Variants in SLC9A4 observed in about 807,000 individuals in gnomAD.
SLC9A4 encodes solute carrier family 9 member A4, also known as sodium/hydrogen exchanger 4.
A neutral mutation model predicts 67.4 loss-of-function variants in SLC9A4; 63 were observed. That is an observed-to-expected ratio of 0.93 (90% CI 0.76 to 1.15). The LOEUF is 1.15. SLC9A4 is among the 50% of genes most tolerant of loss of function. The probability of loss-of-function intolerance (pLI) is 0.00; values close to 1 mark genes in which losing one functional copy is unlikely to be tolerated. For missense variants in SLC9A4, 1,089 were observed against 987.7 expected (o/e 1.10, Z -1.38); for synonymous variants, 393 against 367.2 (o/e 1.07, Z -0.80).
chr2:102,478,922 A>G lies in SLC9A4; in HGVS notation c.340A>G (p.Ile114Val). ...ILVGALVGGI[I>V]FGTDHKSPPV... is the part of the protein sequence containing the mutation. ...GGTGGGGGCGCTGGTGGGCGGCATC[A>G]TCTTCGGCACCGACCACAAATCGCC... The change falls in exon 2 of 12, where the codon ATC (isoleucine) becomes GTC (valine). Residue 114 changes from isoleucine to valine, a missense_variant. Coordinates refer to ENST00000295269, the MANE Select transcript of SLC9A4 (RefSeq NM_001011552.4). 1 of 1,614,088 alleles carries G rather than the reference A, an allele frequency of 6.2e-7. No homozygotes were observed. The highest frequency in any genetic ancestry group is 8.5e-7 in the Non-Finnish European group (1 of 1,179,982).
chr2:102,513,182 A>G (rs1198234259), intron 7 of SLC9A4, among the ~76,000 whole-genome samples: 1 of 152,102 alleles, frequency 6.6e-6, no homozygotes, highest in Non-Finnish European at 1.5e-5. Flanking sequence ...AAACTAGAAG[A>G]CAGAAGATCG....
chr2:102,503,122 T>G (rs928000331), intron 2 of SLC9A4, among the ~76,000 whole-genome samples: 3 of 152,194 alleles, frequency 2.0e-5, no homozygotes, highest in Non-Finnish European at 4.4e-5. Flanking sequence ...TTAAAGGAAT[T>G]CCATTGTCTA....
chr2:102,505,998 T>C (rs1242111232), intron 4 of SLC9A4, among the ~76,000 whole-genome samples: 1 of 152,156 alleles, frequency 6.6e-6, no homozygotes, highest in Non-Finnish European at 1.5e-5. Context: ...TCCCCCTAAA[T>C]AGTATAGGTG....
At chr2:102,495,977 A>T (rs940373025) in intron 2 of SLC9A4, among the ~76,000 whole-genome samples, 2 of 152,178 alleles carry the variant, frequency 1.3e-5, no homozygotes, top group Non-Finnish European at 2.9e-5. Flanking sequence ...TGGAGTAGTC[A>T]AAAGACAGGA....
At chr2:102,496,352 A>C (rs1684810668) in intron 2 of SLC9A4, among the ~76,000 whole-genome samples, 1 of 152,226 alleles carries the variant, frequency 6.6e-6, no homozygotes, top group Non-Finnish European at 1.5e-5. Flanking sequence ...TAGAATTTAA[A>C]AAACTGACAA....
chr2:102,489,124 T>C (rs1442634142), intron 2 of SLC9A4, among the ~76,000 whole-genome samples: 1 of 152,230 alleles, frequency 6.6e-6, no homozygotes, highest in East Asian at 1.9e-4. Context: ...TAAGTGGCTT[T>C]TAAACTACCT....
chr2:102,516,891 T>C (rs1008872338), intron 8 of SLC9A4, among the ~76,000 whole-genome samples: 1 of 152,224 alleles, frequency 6.6e-6, no homozygotes, highest in Non-Finnish European at 1.5e-5. Context: ...TATATATTTA[T>C]AGGCATAACA....
In SLC9A4 at chr2:102,533,480, T is replaced by C. The variant is rs1047750958; in HGVS notation, c.*792T>C. ...TTTTACCCTAGGGTATAAAACTATT[T>C]TTCTTTTATTATTATTATTATTATT... On this transcript the variant is annotated 3_prime_UTR_variant, in exon 12 of 12. Coordinates refer to ENST00000295269, the MANE Select transcript of SLC9A4 (RefSeq NM_001011552.4). 1 of 150,884 alleles carries C rather than the reference T, an allele frequency of 6.6e-6. No homozygotes were observed. Among genetic ancestry groups the C allele is most frequent in the Non-Finnish European group, 1.5e-5 (1 of 67,938 alleles). 9.3% of individuals were successfully genotyped at this position (150,884 alleles called of 1,614,324 possible).
intron 2 of SLC9A4, among the ~76,000 whole-genome samples, chr2:102,483,910 T>G (rs1382225282): frequency 6.7e-6 from 1 of 148,526 alleles, no homozygotes; most frequent in East Asian, 2.0e-4. Context: ...ATCTCATATA[T>G]ATTTATATAT....
Position 102,532,833 on chromosome 2 carries a change from AT to A in SLC9A4, c.*151del. On this transcript the variant is annotated 3_prime_UTR_variant, in exon 12 of 12. Coordinates refer to ENST00000295269, the MANE Select transcript of SLC9A4 (RefSeq NM_001011552.4). Reference sequence around the variant, plus strand: ...ACATGGATCTATAAGCAGCAGGAAGATTTTTTCCAAGGACTGGGAGCAAACT... The same window carrying A: ...ACATGGATCTATAAGCAGCAGGAAGATTTTTCCAAGGACTGGGAGCAAACT... 1 of 894,548 alleles carries A rather than the reference AT, an allele frequency of 1.1e-6. No individual in the cohort carries two copies. 55.4% of individuals were successfully genotyped at this position (894,548 alleles called of 1,614,324 possible). A position where few individuals can be genotyped will look rare whatever the true frequency, so the allele number is the denominator to read the frequency against.
intron 8 of SLC9A4, among the ~76,000 whole-genome samples, chr2:102,518,192 C>A (rs951800655): frequency 6.6e-6 from 1 of 152,310 alleles, no homozygotes; most frequent in South Asian, 2.1e-4. Context: ...GTTCGTCCCC[C>A]CCAAAGTGGT....
At chr2:102,483,960 A>C (rs1219048102) in intron 2 of SLC9A4, among the ~76,000 whole-genome samples, 15 of 150,796 alleles carry the variant, frequency 9.9e-5, no homozygotes, top group Non-Finnish European at 2.2e-4. Context: ...TGTACAGCTT[A>C]AATATATACA....
chr2:102,505,569 T>C, intron 4 of SLC9A4, 98 bp downstream of exon 4: 1 of 1,212,004 alleles, frequency 8.3e-7, no homozygotes, highest in East Asian at 2.5e-5. Context: ...GAGTAGATGC[T>C]AACTGGTTTT....
chr2:102,475,167 A>G (rs1684301468), intron 1 of SLC9A4, among the ~76,000 whole-genome samples: 1 of 152,242 alleles, frequency 6.6e-6, no homozygotes, highest in South Asian at 2.1e-4. Flanking sequence ...ATCTTACTAT[A>G]TTTTTAAGAG....
At chr2:102,525,273 C>A in intron 10 of SLC9A4, 118 bp downstream of exon 10, 1 of 1,469,092 alleles carries the variant, frequency 6.8e-7, no homozygotes. Context: ...CAAACAAAAC[C>A]CCACCTTGTT....
Position 102,482,316 on chromosome 2 carries a change from A to G in SLC9A4, c.720+3014A>G, listed in dbSNP as rs147358855. On this transcript the variant is annotated intron_variant, in intron 2 of 11. Transcript: ENST00000295269. Reference sequence around the variant, plus strand: ...GGAGTTGAACCTAGAAACCTGTGTTATTAAAACCTCAGATGACCGCTGAAG... The same window carrying G: ...GGAGTTGAACCTAGAAACCTGTGTTGTTAAAACCTCAGATGACCGCTGAAG... Among the ~76,000 whole-genome samples the G allele has an allele frequency of 3.5e-3, 533 of 152,170 alleles. 4 individuals carry two copies. The highest frequency in any genetic ancestry group is 0.011 in the African/African-American group (456 of 41,516).
chr2:102,496,060 CT>C (rs1249926526), intron 2 of SLC9A4, among the ~76,000 whole-genome samples: 2 of 152,020 alleles, frequency 1.3e-5, no homozygotes, highest in East Asian at 3.8e-4. Flanking sequence ...AAAAAATGCT[CT>C]TCAAAATGCA....
rs765135874 is a variant in SLC9A4, at chr2:102,490,506, A to G, written c.720+11204A>G. On this transcript the variant is annotated intron_variant, in intron 2 of 11. Transcript: ENST00000295269. ...CTTATAAGGACACCAATCATATTGG[A>G]TTAAGGCCCCACCCTTATGATCTCA... Among the ~76,000 whole-genome samples the G allele has an allele frequency of 2.0e-5, 3 of 152,270 alleles. No homozygotes were observed. The East Asian group carries it at 5.8e-4, about 29-fold the overall frequency.
In SLC9A4 at chr2:102,476,600, A is replaced by G. The variant is rs1272670001; in HGVS notation, c.257-2239A>G. Among the ~76,000 whole-genome samples, 3 of 152,300 alleles carry G rather than the reference A, an allele frequency of 2.0e-5. No individual in the cohort carries two copies. The East Asian group carries it at 5.8e-4, about 29-fold the overall frequency. ...CCACAGGGCCTGAGAAAATCACACT[A>G]TGGGCTCTTCCACCTCCTTTACATA... On this transcript the variant is annotated intron_variant, in intron 1 of 11. Transcript: ENST00000295269.
Sources: gnomAD v4.1 joint callset for allele counts (sites outside exome capture counted in the v4.1 genomes callset) on GRCh38, gnomAD v4.1.1 for gene constraint, MANE v1.5 for transcripts, NCBI Gene and HGNC (gene_info 2026-07-23, HGNC 2026-07-21) for gene names.